The following FAM135B variants were observed in gnomAD, a reference collection of about 807,000 sequenced individuals.
FAM135B encodes the protein protein FAM135B.
A neutral mutation model predicts 127.7 loss-of-function variants in FAM135B; 43 were observed. The ratio of observed to expected loss-of-function variants is 0.34; its 90% confidence interval spans 0.26 to 0.43. The LOEUF is 0.43. Ranked by LOEUF, FAM135B falls within the 20% of genes least tolerant of loss-of-function variation. The pLI is 1.00. For missense variants in FAM135B, 1,558 were observed against 1,725.6 expected (o/e 0.90, Z 1.72); for synonymous variants, 670 against 665.1 (o/e 1.01, Z -0.11).
At chr8:138,392,274 C>T (rs541141322) in intron 1 of FAM135B, among the ~76,000 whole-genome samples, 22 of 152,300 alleles carry the variant, frequency 1.4e-4, no homozygotes, top group African/African-American at 4.6e-4. Context: ...GCATGTATCT[C>T]TAGGCTTGCT....
chr8:138,190,559 G>A (rs181510540), intron 9 of FAM135B, among the ~76,000 whole-genome samples: 8 of 152,320 alleles, frequency 5.3e-5, no homozygotes, highest in African/African-American at 9.6e-5. Flanking sequence ...GCAAAGCTGC[G>A]TCTTTAAGCG....
intron 3 of FAM135B, 130 bp downstream of exon 3, chr8:138,310,711 G>C: frequency 1.4e-6 from 1 of 738,428 alleles, no homozygotes; most frequent in Admixed American, 3.3e-5. Flanking sequence ...TCCAAAATTC[G>C]CCATCCAACA....
At chr8:138,444,803 G>A (rs2131561613) in intron 1 of FAM135B, among the ~76,000 whole-genome samples, 1 of 152,244 alleles carries the variant, frequency 6.6e-6, no homozygotes, top group Admixed American at 6.5e-5. Flanking sequence ...ACTAAGATCA[G>A]AGCAGAACTG....
At chr8:138,492,492 G>A (rs550282734) in intron 1 of FAM135B, among the ~76,000 whole-genome samples, 4 of 152,104 alleles carry the variant, frequency 2.6e-5, no homozygotes, top group Admixed American at 6.5e-5. Context: ...TATCACAGCT[G>A]GGGAGAGCAT....
intron 7 of FAM135B, among the ~76,000 whole-genome samples, chr8:138,218,805 G>GAGAGA (rs1563784019): frequency 0.012 from 201 of 16,778 alleles, no homozygotes; most frequent in African/African-American, 0.027. Context: ...AGAGAGAGAG[G>GAGAGA]GAGAGAAAGA....
intron 7 of FAM135B, among the ~76,000 whole-genome samples, chr8:138,202,914 C>A (rs907434327): frequency 1.3e-5 from 2 of 152,106 alleles, no homozygotes; most frequent in African/African-American, 4.8e-5. Flanking sequence ...AATCTGGAAT[C>A]AAATAGGCCT....
At chr8:138,293,890 G>C (rs1282827990) in intron 3 of FAM135B, among the ~76,000 whole-genome samples, 2 of 152,154 alleles carry the variant, frequency 1.3e-5, no homozygotes, top group Middle Eastern at 3.4e-3. Context: ...CAATCCCAGT[G>C]GTGGGTATCC....
At chr8:138,144,516 T>C (rs532965070) in intron 15 of FAM135B, 241 of 78,450 alleles carry the variant, frequency 3.1e-3, no homozygotes, top group African/African-American at 0.011. Flanking sequence ...ATTCAACATA[T>C]ACATTATTTA....
intron 1 of FAM135B, among the ~76,000 whole-genome samples, chr8:138,447,929 C>T (rs11166823): frequency 6.6e-6 from 1 of 151,406 alleles, no homozygotes; most frequent in South Asian, 2.1e-4. Flanking sequence ...CTGTATCATA[C>T]GTGACCATAC....
chr8:138,471,041 A>G (rs1295092044), intron 1 of FAM135B, among the ~76,000 whole-genome samples: 1 of 152,220 alleles, frequency 6.6e-6, no homozygotes, highest in Non-Finnish European at 1.5e-5. Context: ...ATTATCATAC[A>G]CACAGACAAT....
chr8:138,493,351 C>T (rs1355141168), intron 1 of FAM135B, among the ~76,000 whole-genome samples: 5 of 152,050 alleles, frequency 3.3e-5, no homozygotes, highest in Non-Finnish European at 7.4e-5. Flanking sequence ...TGGTTGGGAC[C>T]ATGACCATCT....
At chr8:138,181,782 G>T (rs995397630) in intron 9 of FAM135B, among the ~76,000 whole-genome samples, 3 of 151,896 alleles carry the variant, frequency 2.0e-5, no homozygotes, top group African/African-American at 7.3e-5. Flanking sequence ...TGACTCTTCT[G>T]AACCTTCTCC....
At chr8:138,191,389 TG>T (rs1241775219) in intron 9 of FAM135B, among the ~76,000 whole-genome samples, 5 of 152,218 alleles carry the variant, frequency 3.3e-5, no homozygotes, top group Non-Finnish European at 5.9e-5. Context: ...AAGCTCCTTT[TG>T]TAGATGGGCC....
At chr8:138,173,286 A>G (rs552030230) in intron 11 of FAM135B, among the ~76,000 whole-genome samples, 14 of 152,316 alleles carry the variant, frequency 9.2e-5, no homozygotes, top group African/African-American at 3.4e-4. Context: ...CGAAAGCATA[A>G]GAACACTTCT....
chr8:138,211,356 C>T (rs888617288), intron 7 of FAM135B, among the ~76,000 whole-genome samples: 3 of 152,192 alleles, frequency 2.0e-5, no homozygotes, highest in Non-Finnish European at 2.9e-5. Context: ...TCTACAGATG[C>T]ACCGACAGAG....
chr8:138,319,184 G>A (rs1216158538), intron 2 of FAM135B, among the ~76,000 whole-genome samples: 3 of 152,074 alleles, frequency 2.0e-5, no homozygotes, highest in Non-Finnish European at 4.4e-5. Context: ...TTGGCTCACT[G>A]CAACCTCTGC....
intron 12 of FAM135B, among the ~76,000 whole-genome samples, chr8:138,156,074 A>G (rs969121257): frequency 2.6e-5 from 4 of 152,354 alleles, no homozygotes; most frequent in Admixed American, 2.6e-4. Flanking sequence ...AATGTAAAAG[A>G]ACAGAAATTA....
chr8:138,446,924 T>A (rs919711536), intron 1 of FAM135B, among the ~76,000 whole-genome samples: 1 of 151,898 alleles, frequency 6.6e-6, no homozygotes, highest in Non-Finnish European at 1.5e-5. Flanking sequence ...AGGGCTAATA[T>A]CCAGAATCTA....
chr8:138,305,948 T>C (rs1349143183), intron 3 of FAM135B, among the ~76,000 whole-genome samples: 1 of 152,234 alleles, frequency 6.6e-6, no homozygotes, highest in Non-Finnish European at 1.5e-5. Context: ...CATGTATGTT[T>C]GTGTGTGTAT....
Sources: allele counts gnomAD v4.1 joint callset (sites outside exome capture counted in the v4.1 genomes callset), GRCh38; gene constraint gnomAD v4.1.1; transcripts MANE v1.5; gene names NCBI Gene and HGNC (gene_info 2026-07-23, HGNC 2026-07-21).